EIF2AK2: variants seen among roughly 807,000 people sequenced by gnomAD.
EIF2AK2 encodes the protein interferon-induced, double-stranded RNA-activated protein kinase.
Under a neutral mutation model 70.5 loss-of-function variants are expected in EIF2AK2, and 40 were observed. That is an observed-to-expected ratio of 0.57 (90% confidence interval 0.44 to 0.74). The LOEUF (loss-of-function observed/expected upper bound fraction) is 0.74. Among genes scored for constraint, EIF2AK2 ranks in the 30% least tolerant of loss-of-function variants. The probability of loss-of-function intolerance (pLI) is 0.00; values close to 1 mark genes in which losing one functional copy is unlikely to be tolerated. For missense variants in EIF2AK2, 555 were observed against 644.3 expected, an observed-to-expected ratio of 0.86 and a Z score of 1.50; for synonymous variants, 198 against 220.9, an observed-to-expected ratio of 0.90 and a Z score of 0.92.
Position 37,144,065 on chromosome 2 carries a change from T to C in EIF2AK2, c.241-2364A>G, listed in dbSNP as rs866433530. ...ATAAGATTATAATGGAGCTAAAAAA[T>C]TACTGTCATCTAATGAGGTCATAGC... On this transcript the variant is annotated intron_variant, in intron 4 of 16. Transcript: ENST00000233057. 1.5e-4 allele frequency among the ~76,000 whole-genome samples: 23 copies of C among 152,262 alleles called. 1 individual carries two copies. In the South Asian group the frequency reaches 2.3e-3, roughly 15 times the overall value.
intron 9 of EIF2AK2, chr2:37,136,760 T>C: frequency 2.9e-6 from 1 of 346,146 alleles, no homozygotes; most frequent in Non-Finnish European, 5.4e-6. Context: ...ACCTAATTAC[T>C]CTAGCGATAC....
At chr2:37,122,213 G>A (rs1674579043) in intron 12 of EIF2AK2, among the ~76,000 whole-genome samples, 1 of 152,170 alleles carries the variant, frequency 6.6e-6, no homozygotes, top group Admixed American at 6.5e-5. Context: ...GCTGAAGCCG[G>A]CACGTGAACA....
At chr2:37,141,402 A>G (rs1675325686) in intron 5 of EIF2AK2, 151 bp downstream of exon 5, 1 of 963,444 alleles carries the variant, frequency 1.0e-6, no homozygotes, top group South Asian at 1.7e-5. Context: ...TTTAATTACA[A>G]ATTATAAATC....
Position 37,102,858 on chromosome 2 carries a change from A to AT in EIF2AK2, c.*4414dup, listed in dbSNP as rs1558402545. 1 of 152,208 alleles carries AT rather than the reference A, an allele frequency of 6.6e-6. No individual in the cohort carries two copies. The highest frequency in any genetic ancestry group is 1.5e-5 in the Non-Finnish European group (1 of 68,038). 9.4% of individuals were successfully genotyped at this position (152,208 alleles called of 1,614,324 possible). On this transcript the variant is annotated 3_prime_UTR_variant, in exon 17 of 17. Coordinates refer to ENST00000233057, the MANE Select transcript of EIF2AK2 (RefSeq NM_001135651.3). ...TGTATATACATTGAATATATTTAAC[A>AT]TAAGTGTTAAGTATGCATGTGAATT...
chr2:37,117,927 T>C (rs552453102), intron 13 of EIF2AK2, among the ~76,000 whole-genome samples: 4 of 152,316 alleles, frequency 2.6e-5, no homozygotes, highest in Middle Eastern at 6.8e-3. Context: ...ATTGTACACC[T>C]TCATTGTATC....
rs763448062 is a variant in EIF2AK2, at chr2:37,147,034, T to TA, written c.120-62dup. The stretch of plus-strand genomic sequence containing the variant: ...AACTCATGCACTATCTAAAAACAAG[T>TA]ACTCTAGTCATCACTACCTCCTATG... On this transcript the variant is annotated intron_variant, in intron 3 of 16. Transcript: ENST00000233057. 750 of 1,509,178 alleles carry TA rather than the reference T, an allele frequency of 5.0e-4. 1 individual carries two copies. Among genetic ancestry groups the TA allele is most frequent in the Non-Finnish European group, 6.3e-4 (704 of 1,118,254 alleles). The allele number at this position is 1,509,178 out of a possible 1,614,324, so 93.5% of individuals were successfully genotyped here. A position where few individuals can be genotyped will look rare whatever the true frequency, so the allele number is the denominator to read the frequency against.
intron 1 of EIF2AK2, among the ~76,000 whole-genome samples, chr2:37,151,455 A>T (rs7591361): frequency 0.027 from 4,099 of 152,280 alleles, 72 homozygotes; most frequent in Non-Finnish European, 0.033. Context: ...AATAAAAAAT[A>T]AGTGTTGGTG....
chr2:37,106,690 A>G lies in EIF2AK2; in HGVS notation c.*583T>C, dbSNP rs2148661237. 1 of 152,028 alleles carries G rather than the reference A, an allele frequency of 6.6e-6. No homozygotes were observed. The highest frequency in any genetic ancestry group is 2.4e-5 in the African/African-American group (1 of 41,456). The allele number at this position is 152,028 out of a possible 1,614,324, so 9.4% of individuals were successfully genotyped here. On this transcript the variant is annotated 3_prime_UTR_variant, in exon 17 of 17. Transcript: ENST00000233057. ...GTAGAAATTTAATAAATAGATATGA[A>G]TTGATTGATTCATTAATAGTATAAA...
chr2:37,146,816 A>G, intron 4 of EIF2AK2, 37 bp downstream of exon 4: 1 of 1,528,532 alleles, frequency 6.5e-7, no homozygotes, highest in Non-Finnish European at 8.7e-7. Context: ...ATGTATTTGC[A>G]AGTTCCCATT....
chr2:37,099,900 T>C lies in EIF2AK2; in HGVS notation c.*7373A>G, dbSNP rs1314379189. ...AATATACTCAGTGAAAAAGACCACATGTATGATTCCATTTATATGAAATGT... is the reference window on the plus strand; with the variant it reads ...AATATACTCAGTGAAAAAGACCACACGTATGATTCCATTTATATGAAATGT... On this transcript the variant is annotated 3_prime_UTR_variant, in exon 17 of 17. Coordinates refer to ENST00000233057, the MANE Select transcript of EIF2AK2 (RefSeq NM_001135651.3). The C allele has an allele frequency of 6.6e-6, 1 of 152,154 alleles. No individual in the cohort carries two copies. Among genetic ancestry groups the C allele is most frequent in the Non-Finnish European group, 1.5e-5 (1 of 68,034 alleles). The allele number at this position is 152,154 out of a possible 1,614,324, so 9.4% of individuals were successfully genotyped here.
intron 4 of EIF2AK2, among the ~76,000 whole-genome samples, chr2:37,142,658 T>C (rs894662907): frequency 5.9e-5 from 9 of 152,078 alleles, no homozygotes; most frequent in Admixed American, 6.6e-5. Context: ...AAAAAAAAAT[T>C]GGTTAGAAGG....
At position 37,146,211 on chromosome 2, in the gene EIF2AK2, G is replaced by C. The variant is rs968696774; in HGVS notation, c.240+642C>G. On this transcript the variant is annotated intron_variant, in intron 4 of 16. Transcript: ENST00000233057. ...TAGGAGCAATAAGCTATACTACACA[G>C]CCTAGGTGTGTACTGGTTGTACCAT... 5.3e-5 allele frequency among the ~76,000 whole-genome samples: 8 copies of C among 152,284 alleles called. No homozygotes were observed. In the East Asian group the frequency reaches 9.6e-4, roughly 18 times the overall value.
At chr2:37,148,263 T>A (rs1336439255) in intron 2 of EIF2AK2, among the ~76,000 whole-genome samples, 1 of 152,196 alleles carries the variant, frequency 6.6e-6, no homozygotes, top group Non-Finnish European at 1.5e-5. Context: ...ATCAACTACA[T>A]GTTTGCCTAC....
At chr2:37,136,861 C>G in intron 9 of EIF2AK2, 122 bp downstream of exon 9, 1 of 871,084 alleles carries the variant, frequency 1.1e-6, no homozygotes, top group Non-Finnish European at 1.7e-6. Context: ...AGATTTCAAG[C>G]TTTCTGCTTC....
At chr2:37,134,303 C>G (rs1480481215) in intron 10 of EIF2AK2, among the ~76,000 whole-genome samples, 1 of 152,184 alleles carries the variant, frequency 6.6e-6, no homozygotes, top group Non-Finnish European at 1.5e-5. Flanking sequence ...TAAACACACC[C>G]CACTTTTACA....
intron 4 of EIF2AK2, among the ~76,000 whole-genome samples, chr2:37,146,544 T>G (rs1675545911): frequency 6.6e-6 from 1 of 152,198 alleles, no homozygotes; most frequent in South Asian, 2.1e-4. Flanking sequence ...TGGAGGGGAC[T>G]CCTCCCAGAA....
intron 4 of EIF2AK2, among the ~76,000 whole-genome samples, chr2:37,144,682 C>T (rs1357984225): frequency 1.3e-5 from 2 of 151,408 alleles, no homozygotes; most frequent in South Asian, 2.1e-4. Context: ...CTCTCAGGCA[C>T]GTGATCCTCC....
chr2:37,125,079 C>G (rs959833481), intron 11 of EIF2AK2, among the ~76,000 whole-genome samples: 4 of 152,006 alleles, frequency 2.6e-5, no homozygotes, highest in African/African-American at 9.7e-5. Context: ...ATGGCATGAT[C>G]TGGGCTCACC....
At chr2:37,123,975 T>C (rs1002132283) in intron 11 of EIF2AK2, among the ~76,000 whole-genome samples, 25 of 151,930 alleles carry the variant, frequency 1.6e-4, no homozygotes, top group Non-Finnish European at 2.9e-4. Context: ...TTTAGATTCT[T>C]CCTTTTTTTT....
Sources: allele counts gnomAD v4.1 joint callset (sites outside exome capture counted in the v4.1 genomes callset), GRCh38; gene constraint gnomAD v4.1.1; transcripts MANE v1.5; gene names NCBI Gene and HGNC (gene_info 2026-07-23, HGNC 2026-07-21).